The following KLRG2 variants were observed in gnomAD, a reference collection of about 807,000 sequenced individuals.
KLRG2 encodes killer cell lectin like receptor G2, also known as killer cell lectin-like receptor subfamily G member 2.
A neutral mutation model predicts 35.4 loss-of-function variants in KLRG2; 39 were observed. The observed-to-expected ratio is 1.10, with a 90% CI of 0.85 to 1.44. The LOEUF is 1.44. Among genes scored for constraint, KLRG2 ranks in the 40% most tolerant of loss-of-function variants. KLRG2 has a pLI of 0.00. For missense variants in KLRG2, 632 were observed against 570.9 expected (o/e 1.11, Z -1.09); for synonymous variants, 283 against 265.8 (o/e 1.06, Z -0.63).
At chr7:139,480,123 TG>T (rs1569416992) in intron 2 of KLRG2, 22 bp downstream of exon 2, 6 of 1,489,570 alleles carry the variant, frequency 4.0e-6, no homozygotes, top group Non-Finnish European at 5.6e-6. Context: ...GGAGAGGGGA[TG>T]GGGACTGCAG....
the KLRG2 span, among the ~76,000 whole-genome samples, chr7:139,443,655 G>A: frequency 0.013 from 2,013 of 151,836 alleles, 45 homozygotes; most frequent in African/African-American, 0.047. Flanking sequence ...TCCACCTCCC[G>A]GGTTCAAACG....
chr7:139,454,644 C>T (rs1443799314), intron 3 of KLRG2, among the ~76,000 whole-genome samples: 6 of 144,608 alleles, frequency 4.1e-5, no homozygotes, highest in East Asian at 2.0e-4. Flanking sequence ...AGTGAAACCC[C>T]GTTTCTATTA....
At chr7:139,437,748 G>A in the KLRG2 span, among the ~76,000 whole-genome samples, 11 of 148,264 alleles carry the variant, frequency 7.4e-5, no homozygotes, top group Non-Finnish European at 1.0e-4. Context: ...GTGAGCCACC[G>A]CACCCGGCCA....
At position 139,483,229 on chromosome 7, in the gene KLRG2, G is replaced by A; in HGVS notation, c.414C>T (p.Gly138=). 2 of 1,536,054 alleles carry A rather than the reference G, an allele frequency of 1.3e-6. No individual in the cohort carries two copies. The highest frequency in any genetic ancestry group is 1.7e-6 in the Non-Finnish European group (2 of 1,152,272). ...VRVKPVGAAG[G]SSTPSPRPST... ...AGGGCCTGGGCGATGGCGTGCTGCTGCCACCGGCCGCGCCCACGGGCTTCA... is the reference window on the plus strand; with the variant it reads ...AGGGCCTGGGCGATGGCGTGCTGCTACCACCGGCCGCGCCCACGGGCTTCA... Residue 138 remains glycine (G), a synonymous_variant, in exon 1 of 5, where the codon GGC becomes GGT. Coordinates refer to ENST00000340940, the MANE Select transcript of KLRG2 (RefSeq NM_198508.4).
the KLRG2 span, among the ~76,000 whole-genome samples, chr7:139,433,451 G>A: frequency 4.0e-5 from 6 of 151,866 alleles, no homozygotes; most frequent in Non-Finnish European, 7.4e-5. Context: ...TCAGTCTCCC[G>A]AGTAGCTGGC....
intron 4 of KLRG2, 131 bp downstream of exon 4, chr7:139,453,980 G>T: frequency 1.4e-6 from 1 of 704,170 alleles, no homozygotes; most frequent in Non-Finnish European, 2.5e-6. Flanking sequence ...TCAGGCACCA[G>T]GCCGCGAGCA....
chr7:139,458,454 G>A (rs1796514132), intron 3 of KLRG2, among the ~76,000 whole-genome samples: 2 of 152,002 alleles, frequency 1.3e-5, no homozygotes, highest in Admixed American at 6.6e-5. Flanking sequence ...TAAGTGTACA[G>A]TTCAAGGGCA....
At chr7:139,437,425 CAAAAAAAAAAAA>C in the KLRG2 span, among the ~76,000 whole-genome samples, 2 of 73,228 alleles carry the variant, frequency 2.7e-5, no homozygotes, top group African/African-American at 4.1e-5. Context: ...ACTCCATCTC[CAAAAAAAAAAAA>C]AAAAAAAAAA....
At chr7:139,451,778 G>C (rs1357440133), downstream of KLRG2, among the ~76,000 whole-genome samples, 1 of 152,018 alleles carries the variant, frequency 6.6e-6, no homozygotes, top group African/African-American at 2.4e-5. Context: ...TACTGAGAAG[G>C]CTAGATAAGG....
chr7:139,459,995 C>T (rs1206367641), intron 3 of KLRG2, among the ~76,000 whole-genome samples: 1 of 152,156 alleles, frequency 6.6e-6, no homozygotes, highest in African/African-American at 2.4e-5. Flanking sequence ...CATGATCCGC[C>T]CGCCTCGGCT....
the KLRG2 span, among the ~76,000 whole-genome samples, chr7:139,437,216 C>T: frequency 6.6e-6 from 1 of 151,998 alleles, no homozygotes; most frequent in Non-Finnish European, 1.5e-5. Flanking sequence ...CAGCTGAGGT[C>T]AGGAGTTCAA....
the KLRG2 span, among the ~76,000 whole-genome samples, chr7:139,437,318 G>C: frequency 6.6e-6 from 1 of 151,522 alleles, no homozygotes; most frequent in African/African-American, 2.4e-5. Flanking sequence ...CCAGCTACTC[G>C]GGAGGCTGAG....
chr7:139,449,156 C>T (rs1237661015), downstream of KLRG2, among the ~76,000 whole-genome samples: 1 of 150,376 alleles, frequency 6.6e-6, no homozygotes, highest in Admixed American at 6.7e-5. Flanking sequence ...AATCCCAGCA[C>T]CTTGGGAGGC....
chr7:139,453,986 G>T, intron 4 of KLRG2, 125 bp downstream of exon 4: 1 of 718,052 alleles, frequency 1.4e-6, no homozygotes, highest in South Asian at 1.7e-5. Context: ...ACCAGGCCGC[G>T]AGCATGGGCG....
intron 3 of KLRG2, among the ~76,000 whole-genome samples, chr7:139,460,248 G>A (rs995247327): frequency 6.6e-6 from 1 of 152,232 alleles, no homozygotes; most frequent in Admixed American, 6.5e-5. Context: ...TGCCATGGGG[G>A]TTGCGAGGGG....
At chr7:139,443,625 G>A in the KLRG2 span, among the ~76,000 whole-genome samples, 120 of 152,022 alleles carry the variant, frequency 7.9e-4, no homozygotes, top group Non-Finnish European at 4.1e-4. Flanking sequence ...GCAATGGCAC[G>A]ATCTCAGCTC....
chr7:139,442,816 G>A, the KLRG2 span, among the ~76,000 whole-genome samples: 3 of 152,046 alleles, frequency 2.0e-5, no homozygotes, highest in African/African-American at 7.2e-5. Context: ...GTGACAGAGC[G>A]AGACCCTGCC....
At chr7:139,442,767 C>T in the KLRG2 span, among the ~76,000 whole-genome samples, 1 of 152,086 alleles carries the variant, frequency 6.6e-6, no homozygotes, top group Non-Finnish European at 1.5e-5. Flanking sequence ...AGGCAAAAGT[C>T]ATAGTGAGTC....
At chr7:139,477,325 G>A (rs1299820304) in intron 3 of KLRG2, among the ~76,000 whole-genome samples, 1 of 152,170 alleles carries the variant, frequency 6.6e-6, no homozygotes, top group Non-Finnish European at 1.5e-5. Flanking sequence ...AGCAACCCAA[G>A]GGTCTGTCCA....
Sources: gnomAD v4.1 joint callset for allele counts (sites outside exome capture counted in the v4.1 genomes callset) on GRCh38, gnomAD v4.1.1 for gene constraint, MANE v1.5 for transcripts, NCBI Gene and HGNC (gene_info 2026-07-23, HGNC 2026-07-21) for gene names.